TLK2: variants seen among roughly 807,000 people sequenced by gnomAD.
The protein encoded by TLK2 is tousled like kinase 2, also known as serine/threonine-protein kinase tousled-like 2.
Under a neutral mutation model 117.3 loss-of-function variants are expected in TLK2, and 6 were observed. That is an observed-to-expected ratio of 0.05 (90% CI 0.03 to 0.10). The LOEUF (loss-of-function observed/expected upper bound fraction) is 0.10. TLK2 is among the 10% of genes least tolerant of loss of function. The pLI, the probability that TLK2 is intolerant of heterozygous loss-of-function variation, is 1.00. For synonymous variants in TLK2, 257 were observed against 316.7 expected, an observed-to-expected ratio of 0.81 and a Z score of 2.00; for missense variants, 299 against 901.2, an observed-to-expected ratio of 0.33 and a Z score of 8.56.
intron 13 of TLK2, among the ~76,000 whole-genome samples, chr17:62,577,077 C>T (rs1243372774): frequency 6.7e-6 from 1 of 149,844 alleles, no homozygotes; most frequent in Non-Finnish European, 1.5e-5. Flanking sequence ...ATTCTCGTGT[C>T]TCAGCCTCCT....
At chr17:62,607,012 C>CA (rs10695214) in intron 20 of TLK2, among the ~76,000 whole-genome samples, 47 of 123,556 alleles carry the variant, frequency 3.8e-4, no homozygotes, top group African/African-American at 1.4e-3. Flanking sequence ...TCTCCTTGGT[C>CA]TTTTTTTTTT....
chr17:62,570,781 G>T lies in TLK2; in HGVS notation c.969-2434G>T, dbSNP rs181683755. ...TTTATATATATTATGGCTGTGGGGA[G>T]CATTTCTTGGTGAATCTGAAGAGAT... On this transcript the variant is annotated intron_variant, in intron 11 of 21. Transcript: ENST00000346027. Among the ~76,000 whole-genome samples the T allele has an allele frequency of 3.5e-3, 527 of 152,216 alleles. 6 individuals carry two copies. Among genetic ancestry groups the T allele is most frequent in the African/African-American group, 0.012 (511 of 41,528 alleles).
At chr17:62,486,195 C>T (rs1205066159) in intron 2 of TLK2, among the ~76,000 whole-genome samples, 2 of 151,812 alleles carry the variant, frequency 1.3e-5, no homozygotes, top group Admixed American at 6.6e-5. Context: ...CTCACTCTGT[C>T]ACCTGGGCTA....
At chr17:62,585,201 C>G (rs1014980987) in intron 15 of TLK2, among the ~76,000 whole-genome samples, 4 of 152,202 alleles carry the variant, frequency 2.6e-5, no homozygotes, top group African/African-American at 7.2e-5. Context: ...CTGGACAGTG[C>G]TGGAGAAGTG....
intron 2 of TLK2, among the ~76,000 whole-genome samples, chr17:62,493,504 C>G (rs1226953240): frequency 6.6e-6 from 1 of 152,168 alleles, no homozygotes; most frequent in East Asian, 1.9e-4. Context: ...TGGCTGCAGA[C>G]CCAGAAGTTG....
At chr17:62,602,423 A>C (rs1441719731) in intron 19 of TLK2, among the ~76,000 whole-genome samples, 1 of 152,162 alleles carries the variant, frequency 6.6e-6, no homozygotes, top group Non-Finnish European at 1.5e-5. Context: ...ATATGTGTCC[A>C]GGTATTTGAA....
At chr17:62,514,733 C>G (rs1317937582) in intron 2 of TLK2, among the ~76,000 whole-genome samples, 1 of 151,998 alleles carries the variant, frequency 6.6e-6, no homozygotes, top group East Asian at 1.9e-4. Flanking sequence ...CGCCCGCCAC[C>G]ACACCCAGCT....
chr17:62,543,569 T>C (rs2077695775), intron 7 of TLK2, among the ~76,000 whole-genome samples: 2 of 152,222 alleles, frequency 1.3e-5, no homozygotes, highest in African/African-American at 4.8e-5. Flanking sequence ...GGTTTTGATT[T>C]GCATTCCCCA....
chr17:62,502,229 G>A (rs1248697281), intron 2 of TLK2, among the ~76,000 whole-genome samples: 1 of 151,938 alleles, frequency 6.6e-6, no homozygotes, highest in Non-Finnish European at 1.5e-5. Context: ...TATCCCAGTT[G>A]CAAAGTTGAT....
At chr17:62,486,602 G>A (rs2072421465) in intron 2 of TLK2, among the ~76,000 whole-genome samples, 1 of 152,160 alleles carries the variant, frequency 6.6e-6, no homozygotes, top group African/African-American at 2.4e-5. Flanking sequence ...CCTTTTGACA[G>A]TTTAAGTACA....
intron 10 of TLK2, among the ~76,000 whole-genome samples, chr17:62,561,633 C>T (rs924285799): frequency 6.6e-5 from 10 of 152,208 alleles, no homozygotes; most frequent in Non-Finnish European, 1.0e-4. Flanking sequence ...GTTAAAAAGA[C>T]AGGAAACACT....
chr17:62,579,995 A>T (rs1018579915), intron 14 of TLK2, 116 bp from the exon 15 acceptor site: 1 of 715,304 alleles, frequency 1.4e-6, no homozygotes, highest in African/African-American at 1.8e-5. Context: ...TGATTGTCAA[A>T]CTACCAACAG....
At chr17:62,517,049 G>A (rs2075656330) in intron 2 of TLK2, among the ~76,000 whole-genome samples, 1 of 152,106 alleles carries the variant, frequency 6.6e-6, no homozygotes, top group Non-Finnish European at 1.5e-5. Context: ...GGGATTACAG[G>A]CGTGTGTCAC....
At chr17:62,471,556 C>T (rs371173306) in intron 1 of TLK2, among the ~76,000 whole-genome samples, 2 of 152,194 alleles carry the variant, frequency 1.3e-5, no homozygotes, top group Admixed American at 6.6e-5. Context: ...CTGCTCTCCT[C>T]TCATTCATCT....
At chr17:62,612,202 G>A in intron 21 of TLK2, 190 bp from the exon 22 acceptor site, 1 of 539,250 alleles carries the variant, frequency 1.9e-6, no homozygotes, top group Non-Finnish European at 3.2e-6. Context: ...CAGCAGAGAG[G>A]TACTTCTGTT....
chr17:62,510,945 AC>A (rs1175234758), intron 2 of TLK2, among the ~76,000 whole-genome samples: 1 of 152,166 alleles, frequency 6.6e-6, no homozygotes, highest in East Asian at 1.9e-4. Flanking sequence ...AATACATAAA[AC>A]CCCAAAAACT....
intron 7 of TLK2, 88 bp downstream of exon 7, chr17:62,536,425 T>G (rs2077117803): frequency 1.4e-6 from 2 of 1,382,780 alleles, no homozygotes; most frequent in African/African-American, 1.5e-5. Flanking sequence ...GATAGAGAGA[T>G]AGGGACATTT....
At chr17:62,565,222 C>G in intron 11 of TLK2, 85 bp downstream of exon 11, 2 of 1,485,392 alleles carry the variant, frequency 1.3e-6, no homozygotes, top group Non-Finnish European at 1.8e-6. Context: ...CATTAATAAT[C>G]CTACTATTGG....
Position 62,576,966 on chromosome 17 carries a change from C to CTTTTTTTTTTTTTTTT in TLK2, c.1188+205_1188+206insTTTTTTTTTTTTTTTT, listed in dbSNP as rs59523807. On this transcript the variant is annotated intron_variant, in intron 13 of 21. Coordinates refer to ENST00000346027, the MANE Select transcript of TLK2 (RefSeq NM_006852.6). The stretch of plus-strand genomic sequence containing the variant: ...ATATTTTTCCATTTTCTTTCTTCTT[C>CTTTTTTTTTTTTTTTT]TTTTTTTTTTTTTTGAGTTGGAGTC... 6.6e-3 allele frequency among the ~76,000 whole-genome samples: 763 copies of CTTTTTTTTTTTTTTTT among 115,674 alleles called. 7 individuals carry two copies. Among genetic ancestry groups the CTTTTTTTTTTTTTTTT allele is most frequent in the East Asian group, 0.015 (45 of 3,090 alleles). 75.9% of individuals were successfully genotyped at this position (115,674 alleles called of 152,430 possible).
Sources: gnomAD v4.1 joint callset for allele counts (sites outside exome capture counted in the v4.1 genomes callset) on GRCh38, gnomAD v4.1.1 for gene constraint, MANE v1.5 for transcripts, NCBI Gene and HGNC (gene_info 2026-07-23, HGNC 2026-07-21) for gene names.